The following ADAMTSL1 variants were observed in gnomAD, a reference collection of about 807,000 sequenced individuals.
ADAMTSL1 encodes ADAMTS like 1.
Under a neutral mutation model 201.8 loss-of-function variants are expected in ADAMTSL1, and 126 were observed. That is an observed-to-expected ratio of 0.62 (90% CI 0.54 to 0.72). The LOEUF (loss-of-function observed/expected upper bound fraction) is 0.72. Ranked by LOEUF, ADAMTSL1 falls within the 30% of genes least tolerant of loss-of-function variation. The probability of loss-of-function intolerance (pLI) is 0.00; values close to 1 mark genes in which losing one functional copy is unlikely to be tolerated. For synonymous variants in ADAMTSL1, 1,121 were observed against 903.4 expected (o/e 1.24, Z -4.32); for missense variants, 2,679 against 2,277.8 (o/e 1.18, Z -3.59).
chr9:18,694,723 G>T (rs917194560), intron 13 of ADAMTSL1, among the ~76,000 whole-genome samples: 20 of 152,098 alleles, frequency 1.3e-4, no homozygotes, highest in African/African-American at 4.6e-4. Flanking sequence ...GCTGTCAGTG[G>T]ATCTACCATT....
At chr9:18,773,055 T>G (rs1046325036) in intron 17 of ADAMTSL1, among the ~76,000 whole-genome samples, 4 of 152,182 alleles carry the variant, frequency 2.6e-5, no homozygotes, top group African/African-American at 7.2e-5. Flanking sequence ...GACCCTGTCA[T>G]CCTTATGACC....
At chr9:18,456,316 G>A (rs753042467) in intron 2 of ADAMTSL1, among the ~76,000 whole-genome samples, 4 of 152,172 alleles carry the variant, frequency 2.6e-5, no homozygotes, top group Non-Finnish European at 4.4e-5. Context: ...CCAATCAGTT[G>A]AGTGTGGCTC....
At chr9:18,248,549 T>C (rs1256374147) in intron 2 of ADAMTSL1, among the ~76,000 whole-genome samples, 1 of 152,014 alleles carries the variant, frequency 6.6e-6, no homozygotes, top group Admixed American at 6.6e-5. Context: ...AAAAAAGAAA[T>C]TTGTGGCAGT....
chr9:18,694,186 C>G (rs988331891), intron 13 of ADAMTSL1, among the ~76,000 whole-genome samples: 4 of 152,112 alleles, frequency 2.6e-5, no homozygotes, highest in African/African-American at 9.7e-5. Flanking sequence ...CTTCCCCAGC[C>G]CCCTCCTCCA....
intron 2 of ADAMTSL1, among the ~76,000 whole-genome samples, chr9:18,330,171 A>G (rs1260557679): frequency 6.6e-6 from 1 of 152,188 alleles, no homozygotes; most frequent in African/African-American, 2.4e-5. Flanking sequence ...ACCTGGAGCT[A>G]TCTTGCAAGG....
intron 2 of ADAMTSL1, among the ~76,000 whole-genome samples, chr9:18,327,023 T>C (rs906791229): frequency 5.9e-5 from 9 of 152,234 alleles, no homozygotes; most frequent in African/African-American, 1.9e-4. Context: ...AAGATCTGTT[T>C]AGCAAGTAGG....
At chr9:18,410,359 C>G (rs923828248) in intron 2 of ADAMTSL1, among the ~76,000 whole-genome samples, 2 of 152,072 alleles carry the variant, frequency 1.3e-5, no homozygotes, top group African/African-American at 4.8e-5. Flanking sequence ...CTCCCTCTCC[C>G]CTGATGCTCT....
chr9:17,998,003 A>G (rs552192621), intron 1 of ADAMTSL1, among the ~76,000 whole-genome samples: 7 of 152,166 alleles, frequency 4.6e-5, no homozygotes, highest in African/African-American at 1.2e-4. Context: ...AGTATTCTCC[A>G]TTAATAAAAT....
At chr9:18,400,433 A>G (rs575614372) in intron 2 of ADAMTSL1, among the ~76,000 whole-genome samples, 51 of 152,310 alleles carry the variant, frequency 3.3e-4, no homozygotes, top group African/African-American at 1.1e-3. Flanking sequence ...TTTGGGGATC[A>G]TTATCAAACT....
intron 2 of ADAMTSL1, among the ~76,000 whole-genome samples, chr9:18,342,567 A>G (rs1424284890): frequency 6.6e-6 from 1 of 152,144 alleles, no homozygotes; most frequent in Non-Finnish European, 1.5e-5. Flanking sequence ...ACGTATGTAT[A>G]TGTTTTAAGT....
At chr9:18,096,431 GA>G (rs1203181582) in intron 1 of ADAMTSL1, among the ~76,000 whole-genome samples, 10 of 152,294 alleles carry the variant, frequency 6.6e-5, no homozygotes, top group Admixed American at 5.2e-4. Flanking sequence ...AATGTTCTGT[GA>G]CTGTGCTGTT....
chr9:18,853,887 CTCTGTGTG>C (rs1032719684), intron 23 of ADAMTSL1, among the ~76,000 whole-genome samples: 24 of 80,904 alleles, frequency 3.0e-4, no homozygotes, highest in African/African-American at 8.1e-4. Flanking sequence ...TGTATTCACT[CTCTGTGTG>C]TGTGTGTGTG....
intron 16 of ADAMTSL1, among the ~76,000 whole-genome samples, chr9:18,760,661 T>A (rs1014358109): frequency 2.0e-5 from 3 of 152,198 alleles, no homozygotes; most frequent in African/African-American, 7.2e-5. Context: ...TTTAAGATTA[T>A]GTCCAAAGGC....
At chr9:18,423,414 T>A (rs1003528837) in intron 2 of ADAMTSL1, among the ~76,000 whole-genome samples, 1 of 152,222 alleles carries the variant, frequency 6.6e-6, no homozygotes, top group Non-Finnish European at 1.5e-5. Context: ...CCCGTTAGAT[T>A]CACACTCTTA....
intron 2 of ADAMTSL1, among the ~76,000 whole-genome samples, chr9:18,213,191 T>G (rs1011840719): frequency 1.3e-5 from 2 of 152,196 alleles, no homozygotes; most frequent in African/African-American, 4.8e-5. Flanking sequence ...TGGAATTTAT[T>G]TAATATCTTT....
intron 1 of ADAMTSL1, among the ~76,000 whole-genome samples, chr9:17,988,910 A>G (rs968785937): frequency 4.6e-5 from 7 of 151,816 alleles, no homozygotes; most frequent in African/African-American, 1.7e-4. Context: ...GCTTATTTTT[A>G]GGCATTTTTT....
chr9:18,578,477 A>G (rs1364527063), intron 4 of ADAMTSL1, among the ~76,000 whole-genome samples: 1 of 152,054 alleles, frequency 6.6e-6, no homozygotes, highest in Non-Finnish European at 1.5e-5. Flanking sequence ...GCAATTTGTC[A>G]TTGTATGAAT....
chr9:18,903,369 A>G (rs978275379), intron 26 of ADAMTSL1, among the ~76,000 whole-genome samples: 1 of 152,222 alleles, frequency 6.6e-6, no homozygotes, highest in African/African-American at 2.4e-5. Flanking sequence ...AACATGAAAT[A>G]TGGTTCATTT....
At chr9:18,251,425 G>GA (rs1317940194) in intron 2 of ADAMTSL1, among the ~76,000 whole-genome samples, 5 of 152,052 alleles carry the variant, frequency 3.3e-5, no homozygotes, top group African/African-American at 1.2e-4. Flanking sequence ...AAAGGACAGT[G>GA]AAAAAAACCT....
Sources: allele counts gnomAD v4.1 joint callset (sites outside exome capture counted in the v4.1 genomes callset), GRCh38; gene constraint gnomAD v4.1.1; transcripts MANE v1.5; gene names NCBI Gene and HGNC (gene_info 2026-07-23, HGNC 2026-07-21).